FMN1: variants seen among roughly 807,000 people sequenced by gnomAD.
FMN1 encodes formin-1.
Under a neutral mutation model 132.4 loss-of-function variants are expected in FMN1, and 110 were observed. That is an observed-to-expected ratio of 0.83 (90% CI 0.71 to 0.97). The LOEUF is 0.97. FMN1 is among the 50% of genes least tolerant of loss of function. The probability of loss-of-function intolerance (pLI) is 0.00; values close to 1 mark genes in which losing one functional copy is unlikely to be tolerated. For missense variants in FMN1, 1,792 were observed against 1,705.3 expected (o/e 1.05, Z -0.90); for synonymous variants, 722 against 651.7 (o/e 1.11, Z -1.64).
At chr15:32,998,535 G>C (rs1356336649) in intron 7 of FMN1, among the ~76,000 whole-genome samples, 1 of 152,046 alleles carries the variant, frequency 6.6e-6, no homozygotes, top group Non-Finnish European at 1.5e-5. Context: ...TGATTGTATA[G>C]AATTTACAGA....
At chr15:33,030,162 A>G (rs893666303) in intron 6 of FMN1, among the ~76,000 whole-genome samples, 1 of 152,244 alleles carries the variant, frequency 6.6e-6, no homozygotes, top group African/African-American at 2.4e-5. Flanking sequence ...CGTCTCAAAA[A>G]TAAACAAACA....
Position 33,082,302 on chromosome 15 carries a change from A to G in FMN1, c.2043+6497T>C, listed in dbSNP as rs1595432724. 2.0e-5 allele frequency among the ~76,000 whole-genome samples: 3 copies of G among 152,136 alleles called. No homozygotes were observed. The South Asian group carries it at 6.2e-4, about 32-fold the overall frequency. ...TGGTCAGGCTGGTCTCCAACTCCCGACCTCAGGTGATCCACCTGCCTCGGC... is the reference window on the plus strand; with the variant it reads ...TGGTCAGGCTGGTCTCCAACTCCCGGCCTCAGGTGATCCACCTGCCTCGGC... On this transcript the variant is annotated intron_variant, in intron 5 of 20. Transcript: ENST00000616417.
At chr15:33,024,689 C>T (rs1225230348) in intron 6 of FMN1, among the ~76,000 whole-genome samples, 1 of 152,156 alleles carries the variant, frequency 6.6e-6, no homozygotes. Flanking sequence ...TAAAGGCGCA[C>T]ATAAGTAAAA....
At chr15:32,798,178 G>GCACACA (rs59587193) in intron 19 of FMN1, among the ~76,000 whole-genome samples, 1 of 147,100 alleles carries the variant, frequency 6.8e-6, no homozygotes, top group African/African-American at 2.5e-5. Flanking sequence ...TAAGGAAAAC[G>GCACACA]CACACACACA....
At chr15:32,795,429 A>G (rs1196273661) in intron 19 of FMN1, among the ~76,000 whole-genome samples, 1 of 152,162 alleles carries the variant, frequency 6.6e-6, no homozygotes, top group Non-Finnish European at 1.5e-5. Context: ...TCCTCAGAAA[A>G]TTAGAACCGC....
intron 4 of FMN1, among the ~76,000 whole-genome samples, chr15:33,095,597 G>GT (rs2039054475): frequency 6.6e-6 from 1 of 151,972 alleles, no homozygotes. Context: ...GACTCTTGCT[G>GT]TGTTGCCTCA....
intron 19 of FMN1, among the ~76,000 whole-genome samples, chr15:32,793,311 A>C (rs538498024): frequency 1.0e-4 from 15 of 150,674 alleles, no homozygotes; most frequent in African/African-American, 3.7e-4. Context: ...AGACAGTCTC[A>C]CTCTGTTGCC....
At chr15:32,891,879 G>C (rs1034049584) in intron 15 of FMN1, among the ~76,000 whole-genome samples, 4 of 152,106 alleles carry the variant, frequency 2.6e-5, no homozygotes, top group Non-Finnish European at 4.4e-5. Context: ...GTGTACAGAA[G>C]AGCTACTAAT....
intron 6 of FMN1, among the ~76,000 whole-genome samples, chr15:33,062,131 T>G (rs2037513007): frequency 6.6e-6 from 1 of 152,030 alleles, no homozygotes; most frequent in South Asian, 2.1e-4. Flanking sequence ...AGGTATTTAG[T>G]AAGAAAAAAC....
intron 20 of FMN1, among the ~76,000 whole-genome samples, chr15:32,775,926 T>C (rs1328193558): frequency 6.6e-6 from 1 of 152,162 alleles, no homozygotes; most frequent in Non-Finnish European, 1.5e-5. Context: ...AGGAGGGTGA[T>C]ACTTCCACTT....
At chr15:33,007,175 G>A (rs941041870) in intron 7 of FMN1, among the ~76,000 whole-genome samples, 4 of 152,120 alleles carry the variant, frequency 2.6e-5, no homozygotes, top group African/African-American at 9.6e-5. Context: ...GTCATATACC[G>A]TATATATACA....
chr15:33,006,771 AC>A (rs1249021510), intron 7 of FMN1, among the ~76,000 whole-genome samples: 4 of 152,208 alleles, frequency 2.6e-5, no homozygotes, highest in African/African-American at 9.6e-5. Context: ...ACATTATGTT[AC>A]GTGAAATATG....
In FMN1 at chr15:32,969,478, C is replaced by T; in HGVS notation, c.2224-1G>A. On this transcript the variant is annotated splice_acceptor_variant, in intron 7 of 20. Transcript: ENST00000616417. LOFTEE classifies it high-confidence loss of function. ...GAAATGCCCGAAGTTCAAACTGTGC[C>T]TATAGGAAAATTCAGAGGGAAAGAA... 6.2e-7 allele frequency: 1 copy of T among 1,612,120 alleles called. No homozygotes were observed. The highest frequency in any genetic ancestry group is 8.5e-7 in the Non-Finnish European group (1 of 1,179,000).
At chr15:32,892,144 G>C (rs1162421644) in intron 15 of FMN1, among the ~76,000 whole-genome samples, 1 of 152,122 alleles carries the variant, frequency 6.6e-6, no homozygotes, top group Non-Finnish European at 1.5e-5. Context: ...AGTTCTCAGA[G>C]GGAATGCCTT....
At chr15:33,076,876 G>C (rs16964659) in intron 5 of FMN1, among the ~76,000 whole-genome samples, 2,154 of 152,262 alleles carry the variant, frequency 0.014, 62 homozygotes, top group African/African-American at 0.049. Context: ...GGTTTACAGA[G>C]GGTAGAAAGG....
chr15:33,100,092 G>C (rs1304719588), intron 4 of FMN1, among the ~76,000 whole-genome samples: 1 of 152,094 alleles, frequency 6.6e-6, no homozygotes, highest in Non-Finnish European at 1.5e-5. Context: ...AGGAAGCTGA[G>C]AGTGCTTCTT....
intron 9 of FMN1, among the ~76,000 whole-genome samples, chr15:32,945,061 A>G (rs1487904752): frequency 6.6e-6 from 1 of 152,162 alleles, no homozygotes; most frequent in Non-Finnish European, 1.5e-5. Context: ...AGTTTGTTAA[A>G]TTAGCCCTAG....
At chr15:32,787,677 C>G (rs1373512938) in intron 19 of FMN1, among the ~76,000 whole-genome samples, 1 of 152,064 alleles carries the variant, frequency 6.6e-6, no homozygotes, top group Non-Finnish European at 1.5e-5. Context: ...GCAAGACCCT[C>G]TCAACTAAAA....
intron 6 of FMN1, among the ~76,000 whole-genome samples, chr15:33,015,565 G>T (rs1399769786): frequency 1.3e-5 from 2 of 152,172 alleles, no homozygotes; most frequent in Non-Finnish European, 2.9e-5. Flanking sequence ...CAGTTAGGAA[G>T]TAGAAACTTT....
Sources: gnomAD v4.1 joint callset for allele counts (sites outside exome capture counted in the v4.1 genomes callset) on GRCh38, gnomAD v4.1.1 for gene constraint, MANE v1.5 for transcripts, NCBI Gene and HGNC (gene_info 2026-07-23, HGNC 2026-07-21) for gene names.